Variants in CPXM2 observed in about 807,000 individuals in gnomAD.
The protein encoded by CPXM2 is inactive carboxypeptidase-like protein X2.
In CPXM2, 66 loss-of-function variants were observed where a neutral mutation model predicts 86.1. That is an observed-to-expected ratio of 0.77 (90% CI 0.63 to 0.94). The LOEUF is 0.94. Ranked by LOEUF, CPXM2 falls within the 40% of genes least tolerant of loss-of-function variation. CPXM2 has a pLI of 0.00. For synonymous variants in CPXM2, 388 were observed against 400.2 expected (o/e 0.97, Z 0.36); for missense variants, 948 against 1,026.3 (o/e 0.92, Z 1.04).
At chr10:123,749,088 T>C (rs1248068749) in intron 13 of CPXM2, among the ~76,000 whole-genome samples, 1 of 152,192 alleles carries the variant, frequency 6.6e-6, no homozygotes, top group Non-Finnish European at 1.5e-5. Context: ...GGACAGCATG[T>C]GGCTTACTGG....
At chr10:123,864,646 T>C (rs1227995286) in intron 2 of CPXM2, among the ~76,000 whole-genome samples, 11 of 152,172 alleles carry the variant, frequency 7.2e-5, no homozygotes, top group African/African-American at 2.4e-4. Flanking sequence ...ATTTATATCA[T>C]TTATACACTC....
At chr10:123,878,867 T>G (rs1945035480) in intron 2 of CPXM2, among the ~76,000 whole-genome samples, 1 of 152,152 alleles carries the variant, frequency 6.6e-6, no homozygotes, top group African/African-American at 2.4e-5. Flanking sequence ...TTTATCAGCC[T>G]GCTTGGGCAC....
intron 3 of CPXM2, among the ~76,000 whole-genome samples, chr10:123,850,037 C>CA (rs1311205190): frequency 1.3e-5 from 2 of 152,202 alleles, no homozygotes; most frequent in Non-Finnish European, 2.9e-5. Flanking sequence ...ACTGTAACTA[C>CA]TCTTTTTGTC....
intron 7 of CPXM2, chr10:123,777,493 G>A (rs1226305709): frequency 1.3e-5 from 2 of 152,620 alleles, no homozygotes; most frequent in Non-Finnish European, 2.9e-5. Context: ...CAGGCACAGA[G>A]GCCCGCCCTC....
intron 3 of CPXM2, among the ~76,000 whole-genome samples, chr10:123,858,896 T>C (rs1220027549): frequency 6.6e-6 from 1 of 152,256 alleles, no homozygotes; most frequent in African/African-American, 2.4e-5. Context: ...ATTCTTTTTC[T>C]TTACTCCTTT....
intron 7 of CPXM2, among the ~76,000 whole-genome samples, chr10:123,775,166 T>A (rs1846752218): frequency 6.6e-6 from 1 of 152,162 alleles, no homozygotes; most frequent in African/African-American, 2.4e-5. Flanking sequence ...AGTAGAGAAA[T>A]GAGAACCAGT....
chr10:123,756,892 T>C (rs907565895), intron 12 of CPXM2, among the ~76,000 whole-genome samples: 1 of 152,214 alleles, frequency 6.6e-6, no homozygotes. Context: ...TGTTTTGTGA[T>C]GGCAGCCAGC....
At chr10:123,856,005 G>A (rs376709863) in intron 3 of CPXM2, among the ~76,000 whole-genome samples, 69 of 152,304 alleles carry the variant, frequency 4.5e-4, no homozygotes, top group African/African-American at 1.5e-3. Context: ...TCCACAGAGT[G>A]CCAAACGACC....
intron 8 of CPXM2, among the ~76,000 whole-genome samples, chr10:123,770,358 T>C (rs748423249): frequency 1.3e-5 from 2 of 152,148 alleles, no homozygotes; most frequent in Non-Finnish European, 2.9e-5. Flanking sequence ...CTGATGAATG[T>C]TAAAGTAAAT....
intron 2 of CPXM2, among the ~76,000 whole-genome samples, chr10:123,872,026 G>A (rs28520133): frequency 0.015 from 2,335 of 152,210 alleles, 36 homozygotes; most frequent in African/African-American, 0.05. Flanking sequence ...CCCACCAATA[G>A]GAAGAAAATA....
intron 11 of CPXM2, among the ~76,000 whole-genome samples, chr10:123,760,765 G>A (rs1054593901): frequency 1.3e-5 from 2 of 152,094 alleles, no homozygotes; most frequent in Admixed American, 1.3e-4. Context: ...CTTCCTAGAG[G>A]GAGCTGGTAC....
chr10:123,934,099 C>A (rs558031075), intron 2 of CPXM2, among the ~76,000 whole-genome samples: 10 of 152,220 alleles, frequency 6.6e-5, no homozygotes, highest in Non-Finnish European at 1.3e-4. Flanking sequence ...GAGGTAACAG[C>A]TGAACAGGTT....
chr10:123,858,207 GC>G, intron 3 of CPXM2, among the ~76,000 whole-genome samples: 1 of 152,354 alleles, frequency 6.6e-6, no homozygotes, highest in South Asian at 2.1e-4. Flanking sequence ...AGACCAGCCT[GC>G]CCGGCCGCCT....
chr10:123,749,900 G>C (rs1846036428), intron 13 of CPXM2, among the ~76,000 whole-genome samples: 1 of 152,002 alleles, frequency 6.6e-6, no homozygotes, highest in African/African-American at 2.4e-5. Context: ...CTGCTTCCCA[G>C]GTTCAAGCAA....
chr10:123,796,793 C>T (rs1252060236), intron 6 of CPXM2, among the ~76,000 whole-genome samples: 1 of 152,208 alleles, frequency 6.6e-6, no homozygotes, highest in East Asian at 1.9e-4. Flanking sequence ...TCACACTAGG[C>T]AGGAGTGGGA....
At chr10:123,803,315 T>C (rs1847503650) in intron 4 of CPXM2, among the ~76,000 whole-genome samples, 1 of 151,930 alleles carries the variant, frequency 6.6e-6, no homozygotes, top group South Asian at 2.1e-4. Flanking sequence ...TTTTGCCATG[T>C]TGCCCAGGCT....
chr10:123,773,528 T>G (rs548471466), intron 7 of CPXM2, among the ~76,000 whole-genome samples: 1 of 152,374 alleles, frequency 6.6e-6, no homozygotes, highest in East Asian at 1.9e-4. Flanking sequence ...GCCTTTTATC[T>G]TTTATGCCTG....
intron 2 of CPXM2, 95 bp from the exon 3 acceptor site, chr10:123,862,818 C>T: frequency 1.0e-6 from 1 of 995,102 alleles, no homozygotes; most frequent in Non-Finnish European, 1.6e-6. Flanking sequence ...TTCCATTTTC[C>T]CCTGAACTCC....
chr10:123,818,540 G>A (rs1374310216), intron 4 of CPXM2, among the ~76,000 whole-genome samples: 3 of 152,160 alleles, frequency 2.0e-5, no homozygotes, highest in African/African-American at 4.8e-5. Context: ...TATCCTGCAC[G>A]CAATGCTTCT....
Sources: allele counts gnomAD v4.1 joint callset (sites outside exome capture counted in the v4.1 genomes callset), GRCh38; gene constraint gnomAD v4.1.1; transcripts MANE v1.5; gene names NCBI Gene and HGNC (gene_info 2026-07-23, HGNC 2026-07-21).